The following BMPR1B variants were observed in gnomAD, a reference collection of about 807,000 sequenced individuals.
The protein encoded by BMPR1B is bone morphogenetic protein receptor type 1B.
A neutral mutation model predicts 59.1 loss-of-function variants in BMPR1B; 12 were observed. The ratio of observed to expected loss-of-function variants is 0.20; its 90% CI spans 0.13 to 0.33. BMPR1B has a LOEUF of 0.33. Ranked by LOEUF, BMPR1B falls within the 10% of genes least tolerant of loss-of-function variation. The pLI, the probability that BMPR1B is intolerant of heterozygous loss-of-function variation, is 1.00. For synonymous variants in BMPR1B, 237 were observed against 207.3 expected, an observed-to-expected ratio of 1.14 and a Z score of -1.23; for missense variants, 550 against 610.9, an observed-to-expected ratio of 0.90 and a Z score of 1.05.
intron 1 of BMPR1B, among the ~76,000 whole-genome samples, chr4:94,858,183 C>T (rs1725844164): frequency 6.6e-6 from 1 of 152,082 alleles, no homozygotes; most frequent in Non-Finnish European, 1.5e-5. Flanking sequence ...ATCTCCTGAC[C>T]TCGTGATCTG....
chr4:94,916,483 AG>A (rs1165463776), intron 2 of BMPR1B, among the ~76,000 whole-genome samples: 1 of 152,318 alleles, frequency 6.6e-6, no homozygotes, highest in East Asian at 1.9e-4. Flanking sequence ...TTCATGCCCT[AG>A]GGAACTGTGG....
chr4:94,779,026 T>C (rs1352647766), intron 1 of BMPR1B, among the ~76,000 whole-genome samples: 3 of 152,176 alleles, frequency 2.0e-5, no homozygotes, highest in African/African-American at 7.2e-5. Flanking sequence ...TCAATTTTAA[T>C]GTAGTCAAAT....
intron 3 of BMPR1B, among the ~76,000 whole-genome samples, chr4:95,019,420 A>G (rs1333938456): frequency 6.6e-6 from 1 of 152,200 alleles, no homozygotes; most frequent in Non-Finnish European, 1.5e-5. Context: ...TAGCTGTGAA[A>G]TGACTAGATA....
At chr4:94,935,460 A>AT (rs1729255445) in intron 2 of BMPR1B, among the ~76,000 whole-genome samples, 1 of 152,214 alleles carries the variant, frequency 6.6e-6, no homozygotes, top group East Asian at 1.9e-4. Flanking sequence ...CAAGACGGGC[A>AT]TTTTCCATCC....
chr4:95,037,853 G>A (rs1403799810), intron 3 of BMPR1B, among the ~76,000 whole-genome samples: 4 of 152,102 alleles, frequency 2.6e-5, no homozygotes, highest in Non-Finnish European at 5.9e-5. Flanking sequence ...TTACATAGTC[G>A]CTGTTTCAAG....
chr4:94,868,747 A>G (rs1043226952), intron 1 of BMPR1B, among the ~76,000 whole-genome samples: 1 of 152,248 alleles, frequency 6.6e-6, no homozygotes, highest in Non-Finnish European at 1.5e-5. Context: ...TGAATTTAGC[A>G]TAATGCATTT....
chr4:95,110,565 A>T lies in BMPR1B; in HGVS notation c.144-4155A>T, dbSNP rs532507087. Reference sequence around the variant, plus strand: ...GCTATATTCCGTCCACTGCTATGGGAATCCATCATCTAAGATGATAGGGGA... The same window carrying T: ...GCTATATTCCGTCCACTGCTATGGGTATCCATCATCTAAGATGATAGGGGA... On this transcript the variant is annotated intron_variant, in intron 4 of 12. Coordinates refer to ENST00000515059, the MANE Select transcript of BMPR1B (RefSeq NM_001203.3). Among the ~76,000 whole-genome samples the T allele has an allele frequency of 5.9e-5, 9 of 152,258 alleles. 1 individual carries two copies. In the South Asian group the frequency reaches 1.9e-3, roughly 32 times the overall value.
At chr4:95,084,782 C>A (rs1370858517) in intron 3 of BMPR1B, among the ~76,000 whole-genome samples, 1 of 152,204 alleles carries the variant, frequency 6.6e-6, no homozygotes, top group Non-Finnish European at 1.5e-5. Context: ...CTAATTCATT[C>A]ACTCAGTATT....
At chr4:95,094,929 A>G (rs1730254324) in intron 3 of BMPR1B, among the ~76,000 whole-genome samples, 1 of 152,108 alleles carries the variant, frequency 6.6e-6, no homozygotes. Flanking sequence ...CTTTCCCTAC[A>G]TATGATTTTG....
At chr4:95,095,500 T>C (rs1730302690) in intron 3 of BMPR1B, among the ~76,000 whole-genome samples, 1 of 152,100 alleles carries the variant, frequency 6.6e-6, no homozygotes, top group African/African-American at 2.4e-5. Flanking sequence ...ACATTTAAAG[T>C]GCAAACTTGT....
intron 3 of BMPR1B, among the ~76,000 whole-genome samples, chr4:95,043,747 A>AT (rs1219775819): frequency 1.3e-5 from 2 of 152,044 alleles, no homozygotes; most frequent in Admixed American, 6.6e-5. Context: ...TTTGGGGCTT[A>AT]TTTTTTCTTT....
chr4:94,907,785 C>T (rs1237952189), intron 2 of BMPR1B, among the ~76,000 whole-genome samples: 1 of 150,642 alleles, frequency 6.6e-6, no homozygotes, highest in East Asian at 1.9e-4. Context: ...TGTATACTAG[C>T]CTGGGAAACC....
At chr4:95,136,285 T>C (rs1733778254) in intron 10 of BMPR1B, among the ~76,000 whole-genome samples, 2 of 152,224 alleles carry the variant, frequency 1.3e-5, no homozygotes, top group Admixed American at 1.3e-4. Context: ...GATAAGCTTT[T>C]TGATGTGCAG....
intron 1 of BMPR1B, among the ~76,000 whole-genome samples, chr4:94,873,891 C>T (rs1726608525): frequency 6.6e-6 from 1 of 152,134 alleles, no homozygotes; most frequent in Non-Finnish European, 1.5e-5. Flanking sequence ...ATCTTGGAGA[C>T]CTGAAACTCT....
intron 3 of BMPR1B, among the ~76,000 whole-genome samples, chr4:95,035,834 G>A (rs916145107): frequency 1.3e-5 from 2 of 152,070 alleles, no homozygotes; most frequent in Non-Finnish European, 2.9e-5. Flanking sequence ...ATGATATTTG[G>A]ATGGGAATTA....
intron 2 of BMPR1B, among the ~76,000 whole-genome samples, chr4:94,939,043 C>T (rs1417849002): frequency 1.3e-5 from 2 of 152,038 alleles, no homozygotes; most frequent in African/African-American, 2.4e-5. Flanking sequence ...GAAAAAAGAT[C>T]CCAGATACTC....
At position 94,876,588 on chromosome 4, in the gene BMPR1B, G is replaced by A. The variant is rs78058005; in HGVS notation, c.-113+688G>A. Among the ~76,000 whole-genome samples the A allele has an allele frequency of 2.0e-3, 304 of 152,290 alleles. 8 individuals carry two copies. In the East Asian group the frequency reaches 0.041, roughly 21 times the overall value. On this transcript the variant is annotated intron_variant, in intron 2 of 12. Transcript: ENST00000515059. ...CCATTTTATAGATGTTAAAACTGAAGCATTGGAAAATTAAGAAAATTGCCC... is the reference window on the plus strand; with the variant it reads ...CCATTTTATAGATGTTAAAACTGAAACATTGGAAAATTAAGAAAATTGCCC...
intron 1 of BMPR1B, among the ~76,000 whole-genome samples, chr4:94,818,851 G>A (rs1455862393): frequency 6.6e-6 from 1 of 152,186 alleles, no homozygotes; most frequent in South Asian, 2.1e-4. Context: ...TCTCTTATAG[G>A]CTAGGTGTGA....
intron 2 of BMPR1B, among the ~76,000 whole-genome samples, chr4:94,920,863 C>G (rs1335875930): frequency 6.6e-6 from 1 of 152,138 alleles, no homozygotes; most frequent in Non-Finnish European, 1.5e-5. Flanking sequence ...TAAAAAGATA[C>G]AACTAACTAA....
Sources: gnomAD v4.1 joint callset for allele counts (sites outside exome capture counted in the v4.1 genomes callset) on GRCh38, gnomAD v4.1.1 for gene constraint, MANE v1.5 for transcripts, NCBI Gene and HGNC (gene_info 2026-07-23, HGNC 2026-07-21) for gene names.